CYYR1: variants seen among roughly 807,000 people sequenced by gnomAD.
CYYR1 encodes the protein cysteine and tyrosine rich 1.
Under a neutral mutation model 15.2 loss-of-function variants are expected in CYYR1, and 14 were observed. That is an observed-to-expected ratio of 0.92 (90% CI 0.61 to 1.44). The LOEUF is 1.44. Ranked by LOEUF, CYYR1 falls within the 40% of genes most tolerant of loss-of-function variation. The pLI is 0.00. For missense variants in CYYR1, 228 were observed against 209.5 expected, an observed-to-expected ratio of 1.09 and a Z score of -0.54; for synonymous variants, 80 against 77.4, an observed-to-expected ratio of 1.03 and a Z score of -0.18.
At chr21:26,482,991 T>C (rs1050557497) in intron 2 of CYYR1, among the ~76,000 whole-genome samples, 2 of 152,038 alleles carry the variant, frequency 1.3e-5, no homozygotes, top group Non-Finnish European at 2.9e-5. Flanking sequence ...TAATTTTTTC[T>C]TCACTATTTT....
At chr21:26,506,261 C>T (rs763948776) in intron 2 of CYYR1, among the ~76,000 whole-genome samples, 14 of 152,168 alleles carry the variant, frequency 9.2e-5, no homozygotes, top group African/African-American at 1.9e-4. Context: ...TAGGTCACCA[C>T]GCCTCTAGCC....
At chr21:26,481,639 T>C (rs1369203670) in intron 2 of CYYR1, among the ~76,000 whole-genome samples, 2 of 152,076 alleles carry the variant, frequency 1.3e-5, no homozygotes, top group African/African-American at 4.8e-5. Context: ...CTGATGGGCA[T>C]TTAGGTTGAT....
intron 2 of CYYR1, among the ~76,000 whole-genome samples, chr21:26,530,078 A>T (rs983813827): frequency 6.6e-6 from 1 of 152,186 alleles, no homozygotes; most frequent in South Asian, 2.1e-4. Flanking sequence ...TCTATCAGAG[A>T]CTAGGGCAAA....
At chr21:26,521,443 C>G (rs1318905142) in intron 2 of CYYR1, among the ~76,000 whole-genome samples, 1 of 152,222 alleles carries the variant, frequency 6.6e-6, no homozygotes, top group African/African-American at 2.4e-5. Context: ...TTAGTTCTTA[C>G]ATTTTGTAAA....
chr21:26,510,597 T>A (rs539859317), intron 2 of CYYR1, among the ~76,000 whole-genome samples: 22 of 152,338 alleles, frequency 1.4e-4, no homozygotes. Flanking sequence ...TTGCAAGGAT[T>A]CATGTGTATT....
intron 2 of CYYR1, among the ~76,000 whole-genome samples, chr21:26,538,820 T>A (rs1349322291): frequency 2.0e-5 from 3 of 152,344 alleles, no homozygotes; most frequent in Admixed American, 1.3e-4. Context: ...TGGTAAAGTC[T>A]AGGATCCTGT....
intron 2 of CYYR1, among the ~76,000 whole-genome samples, chr21:26,521,845 C>T (rs995279103): frequency 2.0e-5 from 3 of 152,186 alleles, no homozygotes; most frequent in Non-Finnish European, 2.9e-5. Context: ...AAATTCAGTG[C>T]ACTTCTTTAT....
At chr21:26,503,502 A>G (rs1569150957) in intron 2 of CYYR1, 1 of 152,158 alleles carries the variant, frequency 6.6e-6, no homozygotes, top group Non-Finnish European at 1.5e-5. Context: ...TCTTCAACAC[A>G]CTATAATATT....
At chr21:26,472,463 A>C (rs2065047736) in intron 3 of CYYR1, among the ~76,000 whole-genome samples, 2 of 152,266 alleles carry the variant, frequency 1.3e-5, no homozygotes, top group South Asian at 4.1e-4. Context: ...AGGGTATACA[A>C]GTACATTATC....
intron 2 of CYYR1, among the ~76,000 whole-genome samples, chr21:26,520,671 G>T (rs767473295): frequency 3.9e-5 from 6 of 152,172 alleles, no homozygotes; most frequent in Non-Finnish European, 7.4e-5. Context: ...TTCCACAATG[G>T]TTGAACGAAT....
chr21:26,468,485 T>G lies in CYYR1; in HGVS notation c.*16A>C, dbSNP rs1218128748. ...CAAGATCGCCCATTGGCACATGTTCTGTTCTGGGAGATAGATTATTTCCTT... is the reference window on the plus strand; with the variant it reads ...CAAGATCGCCCATTGGCACATGTTCGGTTCTGGGAGATAGATTATTTCCTT... On this transcript the variant is annotated 3_prime_UTR_variant, in exon 4 of 4. Transcript: ENST00000652641. The G allele has an allele frequency of 6.8e-7, 1 of 1,474,106 alleles. No individual in the cohort carries two copies. 91.3% of individuals were successfully genotyped at this position (1,474,106 alleles called of 1,614,324 possible).
intron 2 of CYYR1, among the ~76,000 whole-genome samples, chr21:26,498,573 T>A (rs773088427): frequency 3.3e-5 from 5 of 152,198 alleles, no homozygotes; most frequent in Admixed American, 1.3e-4. Context: ...GTGAAGGGCC[T>A]TATGAGCCAT....
Position 26,468,530 on chromosome 21 carries a change from G to T in CYYR1, c.439C>A (p.Pro147Thr), listed in dbSNP as rs112866401. 1.2e-4 allele frequency: 190 copies of T among 1,603,706 alleles called. No homozygotes were observed. Among genetic ancestry groups the T allele is most frequent in the Non-Finnish European group, 1.5e-4 (178 of 1,170,650 alleles). Residue 147 changes from proline (P) to threonine (T), a missense_variant, in exon 4 of 4, where the codon CCT (proline) becomes ACT (threonine). Physicochemically the swap from Pro to Thr is conservative, Grantham distance 38 (BLOSUM62 -1). Coordinates refer to ENST00000652641, the MANE Select transcript of CYYR1 (RefSeq NM_001320768.2). ...PQGPAQRSPPPPYPGNARK is the reference protein window; with the variant it reads ...PQGPAQRSPPTPYPGNARK ...TTCCTTGCGTTTCCAGGATAAGGAG[G>T]GGGTGGAGAACGCTGTGCTGGACCC...
chr21:26,557,179 C>T (rs879808343), intron 2 of CYYR1, among the ~76,000 whole-genome samples: 39 of 152,156 alleles, frequency 2.6e-4, no homozygotes, highest in Non-Finnish European at 3.7e-4. Context: ...TTTTACACAT[C>T]GGTGACAGAG....
At chr21:26,489,539 GT>G (rs2123436486) in intron 2 of CYYR1, among the ~76,000 whole-genome samples, 1 of 151,634 alleles carries the variant, frequency 6.6e-6, no homozygotes, top group African/African-American at 2.4e-5. Flanking sequence ...TTTCTGTAAG[GT>G]TTTATATACA....
intron 2 of CYYR1, among the ~76,000 whole-genome samples, chr21:26,483,054 G>C (rs1601734399): frequency 6.6e-6 from 1 of 151,812 alleles, no homozygotes; most frequent in Admixed American, 6.6e-5. Context: ...GAACTTTCTG[G>C]ATCGATTCTC....
chr21:26,528,279 G>A (rs1221334894), intron 2 of CYYR1, among the ~76,000 whole-genome samples: 1 of 152,112 alleles, frequency 6.6e-6, no homozygotes, highest in Non-Finnish European at 1.5e-5. Context: ...ATTTGGATAT[G>A]TGTCCCCTCC....
At chr21:26,561,198 T>C (rs1010024023) in intron 2 of CYYR1, among the ~76,000 whole-genome samples, 6 of 152,190 alleles carry the variant, frequency 3.9e-5, no homozygotes, top group Non-Finnish European at 5.9e-5. Context: ...CTTATCTGTG[T>C]CATTATTAAA....
intron 1 of CYYR1, 82 bp downstream of exon 1, chr21:26,572,786 C>T: frequency 2.6e-6 from 4 of 1,544,092 alleles, no homozygotes; most frequent in Non-Finnish European, 3.5e-6. Flanking sequence ...CCGGTCCGTC[C>T]AGCTCAACCC....
Sources: gnomAD v4.1 joint callset for allele counts (sites outside exome capture counted in the v4.1 genomes callset) on GRCh38, gnomAD v4.1.1 for gene constraint, MANE v1.5 for transcripts, NCBI Gene and HGNC (gene_info 2026-07-23, HGNC 2026-07-21) for gene names.